The following DNAJC18 variants were observed in gnomAD, a reference collection of about 807,000 sequenced individuals.
DNAJC18 encodes DnaJ heat shock protein family (Hsp40) member C18.
Under a neutral mutation model 48.6 loss-of-function variants are expected in DNAJC18, and 40 were observed. The ratio of observed to expected loss-of-function variants is 0.82; its 90% confidence interval spans 0.64 to 1.07. The LOEUF (loss-of-function observed/expected upper bound fraction) is 1.07, where lower values mean the gene tolerates loss of function less well. Among genes scored for constraint, DNAJC18 ranks in the 50% least tolerant of loss-of-function variants. The probability of loss-of-function intolerance (pLI) is 0.00; values close to 1 mark genes in which losing one functional copy is unlikely to be tolerated. For synonymous variants in DNAJC18, 135 were observed against 152.2 expected, an observed-to-expected ratio of 0.89 and a Z score of 0.83; for missense variants, 340 against 427.7, an observed-to-expected ratio of 0.79 and a Z score of 1.81.
At chr5:139,431,540 C>T (rs1193157024) in intron 2 of DNAJC18, among the ~76,000 whole-genome samples, 1 of 152,178 alleles carries the variant, frequency 6.6e-6, no homozygotes, top group Admixed American at 6.6e-5. Flanking sequence ...CTGTTCATCC[C>T]TTTTTGTTAC....
chr5:139,420,332 G>C (rs1358374911), intron 6 of DNAJC18, 107 bp from the exon 7 acceptor site: 1 of 1,155,772 alleles, frequency 8.7e-7, no homozygotes, highest in African/African-American at 1.6e-5. Flanking sequence ...TAGAGCAGAG[G>C]CAGATATCAT....
chr5:139,410,600 C>T lies in DNAJC18; in HGVS notation c.*3548G>A, dbSNP rs1203769018. On this transcript the variant is annotated 3_prime_UTR_variant, in exon 8 of 8. Transcript: ENST00000302060. ...AGGAGCAGTGCATGCAGATGATGTA[C>T]TTGCTTGTATGGTGTGGCCAGCTGT... The T allele has an allele frequency of 6.6e-6, 1 of 152,148 alleles. No individual in the cohort carries two copies. The highest frequency in any genetic ancestry group is 2.4e-5 in the African/African-American group (1 of 41,430). 9.4% of individuals were successfully genotyped at this position (152,148 alleles called of 1,614,324 possible).
intron 2 of DNAJC18, among the ~76,000 whole-genome samples, chr5:139,434,184 T>A (rs1460468765): frequency 6.6e-6 from 1 of 152,202 alleles, no homozygotes; most frequent in Non-Finnish European, 1.5e-5. Flanking sequence ...AGCCACTTTT[T>A]CAAATTGTTG....
chr5:139,417,202 A>AG (rs1307590406), intron 7 of DNAJC18, among the ~76,000 whole-genome samples: 2 of 152,180 alleles, frequency 1.3e-5, no homozygotes, highest in East Asian at 3.8e-4. Flanking sequence ...AAAAAAAAAA[A>AG]AAAAATTTTC....
At chr5:139,427,174 TTCATCA>T (rs1282554908) in intron 3 of DNAJC18, among the ~76,000 whole-genome samples, 2 of 152,178 alleles carry the variant, frequency 1.3e-5, no homozygotes, top group African/African-American at 2.4e-5. Flanking sequence ...AAACAAAGTC[TTCATCA>T]TAGTCTTATT....
chr5:139,425,007 G>A lies in DNAJC18; in HGVS notation c.667C>T (p.Gln223Ter). ...AGTGCTCCTCCCTCCCTAGGTACCT[G>A]AGGTTTCTCTTCTTCCTCCTCCTTC... ...TQKEEEEEKP[Q>*]TTYSAFIQLL... Residue 223 changes from glutamine (Q) to a stop codon, truncating the protein, a stop_gained and splice_region_variant, in exon 5 of 8, where the codon CAG (glutamine) becomes TAG (stop). Transcript: ENST00000302060. LOFTEE classifies it high-confidence loss of function. 6.2e-7 allele frequency: 1 copy of A among 1,612,602 alleles called. No individual in the cohort carries two copies.
At position 139,422,806 on chromosome 5, in the gene DNAJC18, A is replaced by C. The variant is rs1759175516; in HGVS notation, c.681T>G (p.Ser227=). The C allele has an allele frequency of 2.5e-6, 4 of 1,584,822 alleles. No individual in the cohort carries two copies. The highest frequency in any genetic ancestry group is 2.8e-5 in the African/African-American group (2 of 72,648). The change falls in exon 6 of 8, where the codon TCT becomes TCG. Residue 227 remains serine, a synonymous_variant. Transcript: ENST00000302060. ...EEEEKPQTTY[S]AFIQLLPVLV... is the part of the protein sequence containing the mutation. ...GAACTGGAAGTAGCTGAATAAATGCAGAATATGTAGTCTGAAAAAGAAAAA... is the reference window on the plus strand; with the variant it reads ...GAACTGGAAGTAGCTGAATAAATGCCGAATATGTAGTCTGAAAAAGAAAAA...
intron 2 of DNAJC18, among the ~76,000 whole-genome samples, chr5:139,433,305 A>G (rs1476558592): frequency 6.6e-6 from 1 of 152,154 alleles, no homozygotes; most frequent in Non-Finnish European, 1.5e-5. Context: ...TTAGCTGGGC[A>G]TGATGGTGGG....
intron 2 of DNAJC18, among the ~76,000 whole-genome samples, chr5:139,432,820 T>C (rs1759351449): frequency 6.6e-6 from 1 of 152,210 alleles, no homozygotes; most frequent in African/African-American, 2.4e-5. Context: ...CAACTTTATA[T>C]ATAATGGCAG....
chr5:139,434,050 C>T (rs932144780), intron 2 of DNAJC18, among the ~76,000 whole-genome samples: 2 of 152,008 alleles, frequency 1.3e-5, no homozygotes, highest in Non-Finnish European at 2.9e-5. Flanking sequence ...CGCCACCACG[C>T]CTGACTAGTT....
At position 139,414,042 on chromosome 5, in the gene DNAJC18, A is replaced by T. The variant is rs1759034118; in HGVS notation, c.*106T>A. 6.8e-7 allele frequency: 1 copy of T among 1,475,050 alleles called. No homozygotes were observed. Among genetic ancestry groups the T allele is most frequent in the African/African-American group, 1.4e-5 (1 of 69,846 alleles). 91.4% of individuals were successfully genotyped at this position (1,475,050 alleles called of 1,614,324 possible). On this transcript the variant is annotated 3_prime_UTR_variant, in exon 8 of 8. Coordinates refer to ENST00000302060, the MANE Select transcript of DNAJC18 (RefSeq NM_152686.4). The stretch of plus-strand genomic sequence containing the variant: ...TCTGCCCAACCAACGAAGTTAGCAA[A>T]TAGTAAAGTGTTCATCATTACCTAG...
chr5:139,426,045 C>G, intron 4 of DNAJC18, 127 bp downstream of exon 4: 2 of 1,092,782 alleles, frequency 1.8e-6, no homozygotes, highest in Non-Finnish European at 2.6e-6. Flanking sequence ...AACTCCTGCT[C>G]AACTGATTCT....
intron 2 of DNAJC18, among the ~76,000 whole-genome samples, chr5:139,429,110 T>C (rs1581419979): frequency 1.4e-5 from 2 of 144,568 alleles, no homozygotes; most frequent in Admixed American, 1.4e-4. Flanking sequence ...TGAGACGTAG[T>C]CTTGCTCTTG....
chr5:139,429,281 A>G (rs1759293776), intron 2 of DNAJC18, among the ~76,000 whole-genome samples: 2 of 151,720 alleles, frequency 1.3e-5, no homozygotes. Context: ...ATGGGGTTTC[A>G]CCATATTGGT....
chr5:139,432,591 C>T (rs1038399507), intron 2 of DNAJC18, among the ~76,000 whole-genome samples: 2 of 152,330 alleles, frequency 1.3e-5, no homozygotes, highest in East Asian at 3.9e-4. Flanking sequence ...CTCAGCCTCC[C>T]AAGTAGCTGA....
At chr5:139,429,510 C>A (rs984008303) in intron 2 of DNAJC18, among the ~76,000 whole-genome samples, 5 of 152,176 alleles carry the variant, frequency 3.3e-5, no homozygotes, top group African/African-American at 1.2e-4. Context: ...ACAGGGATAA[C>A]CATCATTAGA....
At chr5:139,416,564 G>C (rs1213498774) in intron 7 of DNAJC18, among the ~76,000 whole-genome samples, 1 of 152,274 alleles carries the variant, frequency 6.6e-6, no homozygotes, top group Admixed American at 6.5e-5. Flanking sequence ...CTATGTGCCA[G>C]ACACTGTGCT....
chr5:139,428,566 A>T lies in DNAJC18; in HGVS notation c.345T>A (p.Cys115Ter). 6.2e-7 allele frequency: 1 copy of T among 1,613,956 alleles called. No homozygotes were observed. The highest frequency in any genetic ancestry group is 8.5e-7 in the Non-Finnish European group (1 of 1,179,936). Reference protein sequence around the residue: ...LALKFHPDKNCAPGATDAFKA... With the variant: ...LALKFHPDKN ...TGAAAGCATCTGTTGCTCCAGGAGC[A>T]CAGTTCTTGTCAGGGTGAAATTTCA... Residue 115 changes from cysteine to a stop codon, truncating the protein, a stop_gained, in exon 3 of 8, where the codon TGT (cysteine) becomes TGA (stop). Transcript: ENST00000302060. LOFTEE classifies it high-confidence loss of function.
intron 7 of DNAJC18, among the ~76,000 whole-genome samples, chr5:139,419,496 A>G (rs548730979): frequency 2.0e-5 from 3 of 152,388 alleles, no homozygotes; most frequent in Non-Finnish European, 4.4e-5. Context: ...ATTCCATACC[A>G]GAAACCTCTA....
Sources: gnomAD v4.1 joint callset for allele counts (sites outside exome capture counted in the v4.1 genomes callset) on GRCh38, gnomAD v4.1.1 for gene constraint, MANE v1.5 for transcripts, NCBI Gene and HGNC (gene_info 2026-07-23, HGNC 2026-07-21) for gene names.